Variants in CDO1 observed in about 807,000 individuals in gnomAD.
CDO1 encodes cysteine dioxygenase, type I.
CDO1 carries 19 observed loss-of-function variants against 24.5 expected under a neutral mutation model. The ratio of observed to expected loss-of-function variants is 0.77; its 90% CI spans 0.54 to 1.14. The LOEUF is 1.14. CDO1 is among the 50% of genes most tolerant of loss of function. The pLI, the probability that CDO1 is intolerant of heterozygous loss-of-function variation, is 0.00. For synonymous variants in CDO1, 91 were observed against 87.0 expected (o/e 1.05, Z -0.26); for missense variants, 244 against 244.8 (o/e 1.00, Z 0.02).
At chr5:115,813,308 G>GTTTTAAGTTCGTTGCTGAA in intron 1 of CDO1, 50 bp from the exon 2 acceptor site, 3 of 1,019,690 alleles carry the variant, frequency 2.9e-6, no homozygotes, top group Non-Finnish European at 4.6e-6. Flanking sequence ...GCTGAAACAA[G>GTTTTAAGTTCGTTGCTGAA]CACTGGAAAA....
At chr5:115,810,092 T>G (rs982954721) in intron 3 of CDO1, among the ~76,000 whole-genome samples, 5 of 152,260 alleles carry the variant, frequency 3.3e-5, no homozygotes, top group African/African-American at 1.2e-4. Context: ...GGTGTGTGAA[T>G]GCTTTACTTC....
chr5:115,816,257 C>T lies in CDO1; in HGVS notation c.141G>A (p.Trp47Ter). ...ACTGGTCGAACTTGGCGTACATTGC[C>T]CACTCGGTGGGGTCGCTCTCGTAGG... ...MEAYESDPTEWAMYAKFDQYR... is the reference protein window; with the variant it reads ...MEAYESDPTE The change falls in exon 1 of 5, where the codon TGG becomes TGA. Residue 47 changes from tryptophan to a stop codon, truncating the protein, a stop_gained. Transcript: ENST00000250535. LOFTEE classifies it high-confidence loss of function. The T allele has an allele frequency of 6.2e-7, 1 of 1,614,220 alleles. No individual in the cohort carries two copies. Among genetic ancestry groups the T allele is most frequent in the Non-Finnish European group, 8.5e-7 (1 of 1,180,038 alleles).
chr5:115,805,279 T>G lies in CDO1; in HGVS notation c.*154A>C. 1.7e-6 allele frequency: 1 copy of G among 587,130 alleles called. No individual in the cohort carries two copies. Among genetic ancestry groups the G allele is most frequent in the Middle Eastern group, 2.7e-4 (1 of 3,716 alleles). The allele number at this position is 587,130 out of a possible 1,614,324, so 36.4% of individuals were successfully genotyped here. Reference sequence around the variant, plus strand: ...GCAGTAGCTGAGGGCACTATTTGCTTACTTAATGCCTTATAATTAGCATCT... The same window carrying G: ...GCAGTAGCTGAGGGCACTATTTGCTGACTTAATGCCTTATAATTAGCATCT... On this transcript the variant is annotated 3_prime_UTR_variant, in exon 5 of 5. Coordinates refer to ENST00000250535, the MANE Select transcript of CDO1 (RefSeq NM_001801.3).
At chr5:115,811,351 A>G in intron 2 of CDO1, 36 bp from the exon 3 acceptor site, 2 of 1,545,880 alleles carry the variant, frequency 1.3e-6, no homozygotes, top group Non-Finnish European at 1.8e-6. Context: ...AACTCAGTAG[A>G]TGGTCTAGTA....
chr5:115,813,019 C>T (rs1267625724), intron 2 of CDO1, among the ~76,000 whole-genome samples, 162 bp downstream of exon 2: 1 of 142,194 alleles, frequency 7.0e-6, no homozygotes, highest in East Asian at 2.0e-4. Flanking sequence ...TTCACTCCAG[C>T]CTGGGCAACA....
Position 115,806,547 on chromosome 5 carries a change from A to G in CDO1, c.404-29T>C, listed in dbSNP as rs777175829. The stretch of plus-strand genomic sequence containing the variant: ...AACAATATCCGGGAAGGAAAAATAG[A>G]TAAAGGAGCCTAGATAACAGCTGTA... On this transcript the variant is annotated intron_variant, in intron 3 of 4. Transcript: ENST00000250535. The G allele has an allele frequency of 3.2e-6, 5 of 1,573,232 alleles. No individual in the cohort carries two copies. The African/African-American group carries it at 6.8e-5, about 21-fold the overall frequency.
chr5:115,813,204 G>T lies in CDO1; in HGVS notation c.225C>A (p.Leu75=). 6.3e-7 allele frequency: 1 copy of T among 1,598,492 alleles called. No individual in the cohort carries two copies. The highest frequency in any genetic ancestry group is 1.3e-5 in the African/African-American group (1 of 74,592). The change falls in exon 2 of 5, where the codon CTC becomes CTA. Residue 75 remains leucine, a synonymous_variant. Transcript: ENST00000250535. The part of the protein sequence containing the change: ...QGNGKFNLMI[L]CWGEGHGSSI... ...ACCTGCCATGTCCTTCACCCCAACAGAGAATCATCAGATTAAATTTTCCAT... is the reference window on the plus strand; with the variant it reads ...ACCTGCCATGTCCTTCACCCCAACATAGAATCATCAGATTAAATTTTCCAT...
Position 115,811,162 on chromosome 5 carries a change from A to G in CDO1, c.402T>C (p.Asn134=). The G allele has an allele frequency of 6.2e-7, 1 of 1,612,812 alleles. No homozygotes were observed. Among genetic ancestry groups the G allele is most frequent in the Non-Finnish European group, 8.5e-7 (1 of 1,179,374 alleles). ...VLRENQCAYI[N]DSIGLHRVEN... The stretch of plus-strand genomic sequence containing the variant: ...CTTAGAAAAAGAATAAGATGTTACC[A>G]TTGATGTAGGCACACTGGTTTTCCC... The change falls in exon 3 of 5, where the codon AAT becomes AAC. Residue 134 remains asparagine (N), a splice_region_variant and synonymous_variant. Coordinates refer to ENST00000250535, the MANE Select transcript of CDO1 (RefSeq NM_001801.3).
rs1344366829 is a variant in CDO1 at position 115,806,410 on chromosome 5, G to A, written c.512C>T (p.Thr171Ile). Residue 171 changes from threonine (T) to isoleucine (I), a missense_variant, in exon 4 of 5, where the codon ACA (threonine) becomes ATA (isoleucine). By Grantham distance (89) the Thr-to-Ile change is moderately conservative. Coordinates refer to ENST00000250535, the MANE Select transcript of CDO1 (RefSeq NM_001801.3). ...FDTCHAFDQR[T>I]GHKNKVTMTF... The stretch of plus-strand genomic sequence containing the variant: ...CATTGTGACTTTGTTTTTATGTCCT[G>A]TTCTTTGATCAAAGGCATGGCATGT... 5 of 1,611,536 alleles carry A rather than the reference G, an allele frequency of 3.1e-6. No homozygotes were observed. Among genetic ancestry groups the A allele is most frequent in the East Asian group, 4.5e-5 (2 of 44,754 alleles).
chr5:115,805,318 T>C lies in CDO1; in HGVS notation c.*115A>G, dbSNP rs144711810. ...TAATTAGCATCTGCCTTACAGTAGATCTAAGTATTGGCTTATTTAAGTATA... is the reference window on the plus strand; with the variant it reads ...TAATTAGCATCTGCCTTACAGTAGACCTAAGTATTGGCTTATTTAAGTATA... On this transcript the variant is annotated 3_prime_UTR_variant, in exon 5 of 5. Coordinates refer to ENST00000250535, the MANE Select transcript of CDO1 (RefSeq NM_001801.3). 4.5e-3 allele frequency: 3,803 copies of C among 851,348 alleles called. 12 individuals are homozygous for C. The highest frequency in any genetic ancestry group is 5.8e-3 in the Non-Finnish European group (3,045 of 525,582). The allele number at this position is 851,348 out of a possible 1,614,324, so 52.7% of individuals were successfully genotyped here. A position where few individuals can be genotyped will look rare whatever the true frequency, so the allele number is the denominator to read the frequency against.
At position 115,811,167 on chromosome 5, in the gene CDO1, T is replaced by C. The variant is rs1760169748; in HGVS notation, c.397A>G (p.Ile133Val). The C allele has an allele frequency of 6.2e-7, 1 of 1,613,188 alleles. No homozygotes were observed. The highest frequency in any genetic ancestry group is 1.7e-5 in the Admixed American group (1 of 59,974). Residue 133 changes from isoleucine to valine, a missense_variant, in exon 3 of 5, where the codon ATC becomes GTC. Ile to Val is a conservative substitution (Grantham distance 29). Transcript: ENST00000250535. ...RVLRENQCAY[I>V]NDSIGLHRVE... ...AAAAAGAATAAGATGTTACCATTGA[T>C]GTAGGCACACTGGTTTTCCCTCAAG... is the stretch of plus-strand genomic sequence containing the variant.
intron 4 of CDO1, among the ~76,000 whole-genome samples, chr5:115,805,763 A>G (rs1454673199): frequency 1.3e-5 from 2 of 152,234 alleles, no homozygotes; most frequent in Admixed American, 6.5e-5. Flanking sequence ...TATTCTGATA[A>G]TTAAAGACTA....
Position 115,811,300 on chromosome 5 carries a change from A to G in CDO1, c.264T>C (p.His88=), listed in dbSNP as rs537958735. The change falls in exon 3 of 5, where the codon CAT becomes CAC. Residue 88 remains histidine, a synonymous_variant. Coordinates refer to ENST00000250535, the MANE Select transcript of CDO1 (RefSeq NM_001801.3). ...GEGHGSSIHD[H]TNSHCFLKML... Reference sequence around the variant, plus strand: ...TCTTCAGAAAGCAGTGGGAGTTGGTATGATCATGAATACTGCTATATGTAC... The same window carrying G: ...TCTTCAGAAAGCAGTGGGAGTTGGTGTGATCATGAATACTGCTATATGTAC... 1.8e-4 allele frequency: 293 copies of G among 1,612,550 alleles called. 1 individual carries two copies. In the South Asian group the frequency reaches 3.0e-3, roughly 16 times the overall value.
chr5:115,805,182 A>G lies in CDO1; in HGVS notation c.*251T>C. 4.5e-6 allele frequency: 2 copies of G among 449,100 alleles called. No homozygotes were observed. Among genetic ancestry groups the G allele is most frequent in the Non-Finnish European group, 7.8e-6 (2 of 254,788 alleles). The allele number at this position is 449,100 out of a possible 1,614,324, so 27.8% of individuals were successfully genotyped here. ...GGATTTAATGGAATTAGAGGATAGA[A>G]CTATGAGAGCACTTGAAAACTTGCC... On this transcript the variant is annotated 3_prime_UTR_variant, in exon 5 of 5. Coordinates refer to ENST00000250535, the MANE Select transcript of CDO1 (RefSeq NM_001801.3).
rs1760417066 is a variant in CDO1 at position 115,815,959 on chromosome 5, C to T, written c.170+269G>A. Among the ~76,000 whole-genome samples the T allele has an allele frequency of 2.0e-5, 3 of 152,246 alleles. No homozygotes were observed. In the South Asian group the frequency reaches 6.2e-4, roughly 31 times the overall value. On this transcript the variant is annotated intron_variant, in intron 1 of 4. Coordinates refer to ENST00000250535, the MANE Select transcript of CDO1 (RefSeq NM_001801.3). ...AGAAGAGAACAGAAAATCTCGCAGA[C>T]GCGCGGTGGCCTCCCTTCCCGGCGC...
At position 115,805,170 on chromosome 5, in the gene CDO1, T is replaced by G. The variant is rs956308466; in HGVS notation, c.*263A>C. The G allele has an allele frequency of 1.9e-4, 74 of 390,598 alleles. No homozygotes were observed. Among genetic ancestry groups the G allele is most frequent in the Non-Finnish European group, 2.9e-4 (64 of 220,580 alleles). The allele number at this position is 390,598 out of a possible 1,614,324, so 24.2% of individuals were successfully genotyped here. On this transcript the variant is annotated 3_prime_UTR_variant, in exon 5 of 5. Transcript: ENST00000250535. ...CGCTCCTAGTATGGATTTAATGGAA[T>G]TAGAGGATAGAACTATGAGAGCACT...
At chr5:115,805,595 C>T (rs1183998858) in intron 4 of CDO1, 133 bp from the exon 5 acceptor site, 7 of 724,090 alleles carry the variant, frequency 9.7e-6, no homozygotes, top group Admixed American at 8.0e-5. Context: ...TTGTTTTTCC[C>T]GCAATAAGAA....
rs146759585 is a variant in CDO1 at position 115,806,456 on chromosome 5, A to T, written c.466T>A (p.Leu156Met). ...CATGTATCAAAAGGTGGACTGTACA[A>T]GTGAAGGCTCACAGCAGGTTCCGTA... ...SHTEPAVSLH[L>M]YSPPFDTCHA... is the part of the protein sequence containing the mutation. Residue 156 changes from leucine to methionine, a missense_variant, in exon 4 of 5, where the codon TTG becomes ATG. Physicochemically the swap from Leu to Met is conservative, Grantham distance 15. Transcript: ENST00000250535. 877 of 1,612,066 alleles carry T rather than the reference A, an allele frequency of 5.4e-4. No homozygotes were observed. Among genetic ancestry groups the T allele is most frequent in the Non-Finnish European group, 7.2e-4 (846 of 1,179,306 alleles).
intron 2 of CDO1, among the ~76,000 whole-genome samples, chr5:115,812,623 G>T (rs1457053080): frequency 1.3e-5 from 2 of 152,092 alleles, no homozygotes; most frequent in Non-Finnish European, 2.9e-5. Flanking sequence ...AACTTAAGGG[G>T]GTTACTTACC....
Sources: allele counts gnomAD v4.1 joint callset (sites outside exome capture counted in the v4.1 genomes callset), GRCh38; gene constraint gnomAD v4.1.1; transcripts MANE v1.5; gene names NCBI Gene and HGNC (gene_info 2026-07-23, HGNC 2026-07-21).